ZNF207: variants seen among roughly 807,000 people sequenced by gnomAD.
ZNF207 encodes zinc finger protein 207, also known as BUB3-interacting and GLEBS motif-containing protein ZNF207.
ZNF207 carries 24 observed loss-of-function variants against 60.2 expected under a neutral mutation model. The observed-to-expected ratio is 0.40, with a 90% CI of 0.29 to 0.56. The LOEUF (loss-of-function observed/expected upper bound fraction) is 0.56, where lower values mean the gene tolerates loss of function less well. Among genes scored for constraint, ZNF207 ranks in the 20% least tolerant of loss-of-function variants. The probability of loss-of-function intolerance (pLI) is 0.49; values close to 1 mark genes in which losing one functional copy is unlikely to be tolerated. For missense variants in ZNF207, 452 were observed against 636.6 expected (o/e 0.71, Z 3.12); for synonymous variants, 236 against 194.7 (o/e 1.21, Z -1.77).
chr17:32,363,120 G>T, intron 7 of ZNF207, 136 bp downstream of exon 7: 1 of 621,086 alleles, frequency 1.6e-6, no homozygotes, highest in Non-Finnish European at 2.6e-6. Flanking sequence ...GTGTTATATG[G>T]ACCCTTTTTT....
intron 11 of ZNF207, 33 bp from the exon 12 acceptor site, chr17:32,369,566 C>T: frequency 6.4e-7 from 1 of 1,567,062 alleles, no homozygotes; most frequent in Non-Finnish European, 8.7e-7. Flanking sequence ...CGTTAACAAT[C>T]TATTTTTTTG....
At chr17:32,351,622 C>A (rs759916330) in intron 1 of ZNF207, 164 bp from the exon 2 acceptor site, 1 of 1,543,892 alleles carries the variant, frequency 6.5e-7, no homozygotes, top group South Asian at 1.2e-5. Context: ...ACTGAAATAA[C>A]ATGGCAAGTG....
In ZNF207 at chr17:32,351,565, G is replaced by GT. The variant is rs34537023; in HGVS notation, c.42-215dup. 28 of 1,532,762 alleles carry GT rather than the reference G, an allele frequency of 1.8e-5. No homozygotes were observed. In the East Asian group the frequency reaches 6.1e-4, roughly 34 times the overall value. The allele number at this position is 1,532,762 out of a possible 1,614,324, so 94.9% of individuals were successfully genotyped here. A position where few individuals can be genotyped will look rare whatever the true frequency, so the allele number is the denominator to read the frequency against. ...AGTATATTGCTGATTATTGAGATGT[G>GT]TTTTTTGGGGTGGTGAAGAGAGCTG... On this transcript the variant is annotated intron_variant, in intron 1 of 11. Coordinates refer to ENST00000394670, the MANE Select transcript of ZNF207 (RefSeq NM_001098507.2).
In ZNF207 at chr17:32,371,253, G is replaced by A. The variant is rs908015524; in HGVS notation, c.*1494G>A. 6.6e-6 allele frequency: 1 copy of A among 152,108 alleles called. No homozygotes were observed. The highest frequency in any genetic ancestry group is 1.9e-4 in the East Asian group (1 of 5,200). 9.4% of individuals were successfully genotyped at this position (152,108 alleles called of 1,614,324 possible). A position where few individuals can be genotyped will look rare whatever the true frequency, so the allele number is the denominator to read the frequency against. On this transcript the variant is annotated 3_prime_UTR_variant, in exon 12 of 12. Transcript: ENST00000394670. The stretch of plus-strand genomic sequence containing the variant: ...TAAAGTTAAGACTTCTAAGAAAATG[G>A]TAACATTTCTTTATAACTTTCCTGT...
intron 2 of ZNF207, among the ~76,000 whole-genome samples, chr17:32,352,135 T>G (rs984466286): frequency 3.3e-5 from 5 of 152,036 alleles, no homozygotes; most frequent in Non-Finnish European, 7.4e-5. Flanking sequence ...GCCCGGCTAA[T>G]TTTTTGTATT....
chr17:32,364,460 C>A (rs935387051), intron 7 of ZNF207, among the ~76,000 whole-genome samples: 1 of 150,260 alleles, frequency 6.7e-6, no homozygotes, highest in Non-Finnish European at 1.5e-5. Context: ...TGGGTTCAAG[C>A]GATTTTCTCC....
intron 2 of ZNF207, among the ~76,000 whole-genome samples, chr17:32,353,787 C>T (rs1482997390): frequency 6.9e-6 from 1 of 144,394 alleles, no homozygotes; most frequent in Non-Finnish European, 1.5e-5. Context: ...TGCACTCCAG[C>T]CTGGGTGACA....
intron 3 of ZNF207, among the ~76,000 whole-genome samples, chr17:32,359,728 A>G (rs1904745994): frequency 1.3e-5 from 2 of 152,092 alleles, no homozygotes; most frequent in Admixed American, 1.3e-4. Context: ...ATAGAGAATG[A>G]CACCCTGTCT....
intron 3 of ZNF207, 150 bp from the exon 4 acceptor site, chr17:32,360,448 T>C (rs896249328): frequency 2.0e-5 from 14 of 695,850 alleles, no homozygotes; most frequent in Admixed American, 3.2e-5. Context: ...GAAAACACAT[T>C]TGAAGAACAT....
intron 2 of ZNF207, among the ~76,000 whole-genome samples, chr17:32,357,972 G>T (rs1314279942): frequency 1.3e-5 from 2 of 151,962 alleles, no homozygotes; most frequent in African/African-American, 2.4e-5. Flanking sequence ...GTCGGGACAG[G>T]GTTTTGCCAC....
In ZNF207 at chr17:32,361,496, T is replaced by C; in HGVS notation, c.580T>C (p.Ser194Pro). ...GCATCATCAGAGAAAATACACCCAG[T>C]CATTTTGCGGTGAAAACATGTAAGC... is the stretch of plus-strand genomic sequence containing the variant. ...GLHHQRKYTQ[S>P]FCGENIMMPM... The change falls in exon 6 of 12, where the codon TCA (serine) becomes CCA (proline). Residue 194 changes from serine (S) to proline (P), a missense_variant. By Grantham distance (74) the Ser-to-Pro change is moderately conservative (BLOSUM62 -1). This residue lies in a region of ZNF207 where 390 missense variants were observed against 461.4 expected (regional missense o/e 0.85). Transcript: ENST00000394670. The C allele has an allele frequency of 6.2e-7, 1 of 1,607,968 alleles. No homozygotes were observed.
At position 32,350,199 on chromosome 17, in the gene ZNF207, C is replaced by T; in HGVS notation, c.-87C>T. On this transcript the variant is annotated 5_prime_UTR_variant, in exon 1 of 12. Coordinates refer to ENST00000394670, the MANE Select transcript of ZNF207 (RefSeq NM_001098507.2). ...TGCTTCCTGTGGGACGTGGTGGTAG[C>T]CGTTGGGTTGGGAAAGTGAGGGATT... is the stretch of plus-strand genomic sequence containing the variant. 6.3e-7 allele frequency: 1 copy of T among 1,582,408 alleles called. No individual in the cohort carries two copies. Among genetic ancestry groups the T allele is most frequent in the South Asian group, 1.1e-5 (1 of 90,298 alleles).
At position 32,359,630 on chromosome 17, in the gene ZNF207, G is replaced by C. The variant is rs112260936; in HGVS notation, c.308-968G>C. Among the ~76,000 whole-genome samples, 1,453 of 151,990 alleles carry C rather than the reference G, an allele frequency of 9.6e-3. 22 individuals carry two copies. Among genetic ancestry groups the C allele is most frequent in the African/African-American group, 0.031 (1,283 of 41,480 alleles). On this transcript the variant is annotated intron_variant, in intron 3 of 11. Transcript: ENST00000394670. ...TATAAATTTAATGGTAGGGTAGTTG[G>C]AGTGGCTCACACCTGTAATCCCAGC...
At position 32,366,656 on chromosome 17, in the gene ZNF207, A is replaced by G. The variant is rs1403277883; in HGVS notation, c.829-9A>G. ...GACTTTTCATTGTTTCCTTTCTTTT[A>G]TGCTACAGATGGGGACACCTGTCAC... On this transcript the variant is annotated splice_polypyrimidine_tract_variant and intron_variant, in intron 8 of 11. Coordinates refer to ENST00000394670, the MANE Select transcript of ZNF207 (RefSeq NM_001098507.2). The G allele has an allele frequency of 6.3e-7, 1 of 1,590,360 alleles. No individual in the cohort carries two copies. The highest frequency in any genetic ancestry group is 1.8e-5 in the Admixed American group (1 of 54,654).
At chr17:32,355,733 C>T (rs1025479280) in intron 2 of ZNF207, among the ~76,000 whole-genome samples, 1 of 152,120 alleles carries the variant, frequency 6.6e-6, no homozygotes, top group African/African-American at 2.4e-5. Flanking sequence ...AAGGAATCGT[C>T]TAAGGAGATG....
At chr17:32,363,529 C>CTTTTTTTTTTTTTTTTTTTTTTTTTTTT (rs746944466) in intron 7 of ZNF207, among the ~76,000 whole-genome samples, 2 of 69,568 alleles carry the variant, frequency 2.9e-5, no homozygotes, top group Non-Finnish European at 5.6e-5. Flanking sequence ...ATCCAACAAA[C>CTTTTTTTTTTTTTTTTTTTTTTTTTTTT]TTTTTTTTTT....
intron 6 of ZNF207, among the ~76,000 whole-genome samples, chr17:32,362,137 T>C (rs919228796): frequency 1.2e-4 from 18 of 150,116 alleles, no homozygotes; most frequent in African/African-American, 4.2e-4. Context: ...AAAAAGTGTG[T>C]GTGTGTGTGT....
chr17:32,352,330 T>A (rs754071569), intron 2 of ZNF207, among the ~76,000 whole-genome samples: 14 of 152,084 alleles, frequency 9.2e-5, no homozygotes, highest in Non-Finnish European at 7.3e-5. Context: ...GTTCACTTAC[T>A]TACTGCAAAA....
At position 32,374,949 on chromosome 17, in the gene ZNF207, G is replaced by A. The variant is rs943456324; in HGVS notation, c.*5190G>A. On this transcript the variant is annotated 3_prime_UTR_variant, in exon 12 of 12. Transcript: ENST00000394670. ...TTATTTGGTGAGAAAAGTTGTGTGCGTGTGTTTGTTGTAGGGAATAATTAG... is the reference window on the plus strand; with the variant it reads ...TTATTTGGTGAGAAAAGTTGTGTGCATGTGTTTGTTGTAGGGAATAATTAG... The A allele has an allele frequency of 6.6e-5, 10 of 152,194 alleles. No individual in the cohort carries two copies. Among genetic ancestry groups the A allele is most frequent in the East Asian group, 3.8e-4 (2 of 5,204 alleles). The allele number at this position is 152,194 out of a possible 1,614,324, so 9.4% of individuals were successfully genotyped here.
Sources: allele counts gnomAD v4.1 joint callset (sites outside exome capture counted in the v4.1 genomes callset), GRCh38; gene constraint gnomAD v4.1.1; regional missense constraint gnomAD v4.1.1; transcripts MANE v1.5; gene names NCBI Gene and HGNC (gene_info 2026-07-23, HGNC 2026-07-21).